The following TAFA1 variants were observed in gnomAD, a reference collection of about 807,000 sequenced individuals.
TAFA1 encodes the protein TAFA chemokine like family member 1.
A neutral mutation model predicts 18.5 loss-of-function variants in TAFA1; 4 were observed. The observed-to-expected ratio is 0.22, with a 90% confidence interval of 0.11 to 0.49. The LOEUF is 0.49. TAFA1 is among the 20% of genes least tolerant of loss of function. TAFA1 has a pLI of 0.98. For missense variants in TAFA1, 147 were observed against 169.0 expected (o/e 0.87, Z 0.72); for synonymous variants, 56 against 55.2 (o/e 1.01, Z -0.06).
intron 2 of TAFA1, among the ~76,000 whole-genome samples, chr3:68,163,183 T>C (rs964448862): frequency 2.0e-5 from 3 of 152,260 alleles, no homozygotes; most frequent in African/African-American, 7.2e-5. Flanking sequence ...TTCTACATAT[T>C]AATCATCCTT....
intron 2 of TAFA1, among the ~76,000 whole-genome samples, chr3:68,131,607 A>T (rs774004354): frequency 6.6e-6 from 1 of 152,214 alleles, no homozygotes; most frequent in Admixed American, 6.5e-5. Flanking sequence ...ACAAAGAATA[A>T]GCCCAGACCT....
chr3:68,082,965 C>T (rs1005354332), intron 2 of TAFA1, among the ~76,000 whole-genome samples: 1 of 152,226 alleles, frequency 6.6e-6, no homozygotes, highest in African/African-American at 2.4e-5. Flanking sequence ...TTCTACCTAC[C>T]CTTTAGGGAT....
chr3:68,153,194 C>A (rs377748066), intron 2 of TAFA1, among the ~76,000 whole-genome samples: 1 of 152,144 alleles, frequency 6.6e-6, no homozygotes, highest in East Asian at 1.9e-4. Flanking sequence ...TTAAATGATA[C>A]AAAATCTAAC....
intron 2 of TAFA1, among the ~76,000 whole-genome samples, chr3:68,054,429 G>A (rs1386570120): frequency 6.6e-6 from 1 of 152,130 alleles, no homozygotes; most frequent in African/African-American, 2.4e-5. Context: ...GCAGCCTGAG[G>A]CCCTTATTAG....
chr3:68,297,057 A>C (rs1559604829), intron 2 of TAFA1, among the ~76,000 whole-genome samples: 2 of 152,170 alleles, frequency 1.3e-5, no homozygotes, highest in African/African-American at 2.4e-5. Context: ...TGAAACCCTG[A>C]GGTAGAAGGT....
At chr3:68,364,561 G>A (rs558085583) in intron 2 of TAFA1, among the ~76,000 whole-genome samples, 31 of 152,244 alleles carry the variant, frequency 2.0e-4, no homozygotes, top group African/African-American at 6.3e-4. Flanking sequence ...CTAGAGGAAC[G>A]TATTTATCTT....
intron 3 of TAFA1, among the ~76,000 whole-genome samples, chr3:68,487,562 A>T: frequency 6.6e-6 from 1 of 152,134 alleles, no homozygotes; most frequent in Non-Finnish European, 1.5e-5. Flanking sequence ...CCTGGCTAAC[A>T]CGGTGAAACC....
At chr3:68,396,035 G>A (rs2070378020) in intron 2 of TAFA1, among the ~76,000 whole-genome samples, 1 of 151,832 alleles carries the variant, frequency 6.6e-6, no homozygotes, top group African/African-American at 2.4e-5. Context: ...TTTGATATTA[G>A]CATTCTTTAT....
chr3:68,295,533 AT>A (rs2068191985), intron 2 of TAFA1, among the ~76,000 whole-genome samples: 1 of 152,126 alleles, frequency 6.6e-6, no homozygotes, highest in African/African-American at 2.4e-5. Flanking sequence ...TCTCAAGCCT[AT>A]TTACCCTCAC....
intron 2 of TAFA1, among the ~76,000 whole-genome samples, chr3:68,024,734 TA>T (rs1704775537): frequency 6.6e-6 from 1 of 151,200 alleles, no homozygotes; most frequent in African/African-American, 2.4e-5. Flanking sequence ...TCCCATCCCT[TA>T]GGGGCAGAAT....
chr3:68,082,242 C>T (rs1014119677), intron 2 of TAFA1, among the ~76,000 whole-genome samples: 1 of 152,192 alleles, frequency 6.6e-6, no homozygotes, highest in Non-Finnish European at 1.5e-5. Flanking sequence ...GAACCCGGTA[C>T]CTCAGATGGA....
At chr3:68,328,171 T>C (rs2068807348) in intron 2 of TAFA1, among the ~76,000 whole-genome samples, 2 of 152,210 alleles carry the variant, frequency 1.3e-5, no homozygotes, top group South Asian at 4.1e-4. Context: ...CCTCATATTT[T>C]ATATTTTCTA....
intron 2 of TAFA1, among the ~76,000 whole-genome samples, chr3:68,408,966 T>G (rs1329078782): frequency 2.0e-5 from 3 of 152,226 alleles, no homozygotes; most frequent in African/African-American, 7.2e-5. Context: ...ATTGTTGTCC[T>G]TCCTCCTTAT....
intron 2 of TAFA1, among the ~76,000 whole-genome samples, chr3:68,408,937 A>AGT (rs1440967023): frequency 1.3e-5 from 2 of 152,238 alleles, no homozygotes; most frequent in Admixed American, 6.5e-5. Context: ...GTACTGGAAT[A>AGT]GTGGTAAAAC....
chr3:68,012,452 A>C (rs763971640), intron 2 of TAFA1, among the ~76,000 whole-genome samples: 2 of 152,176 alleles, frequency 1.3e-5, no homozygotes, highest in African/African-American at 2.4e-5. Flanking sequence ...ACGAGGAAAA[A>C]TGCCCATGTT....
intron 2 of TAFA1, among the ~76,000 whole-genome samples, chr3:68,260,462 T>G (rs1357296100): frequency 4.6e-5 from 7 of 152,164 alleles, no homozygotes; most frequent in Non-Finnish European, 5.9e-5. Flanking sequence ...TAAAATGAGT[T>G]AGGGAGGATT....
At chr3:68,033,322 T>A (rs1348111676) in intron 2 of TAFA1, among the ~76,000 whole-genome samples, 1 of 152,174 alleles carries the variant, frequency 6.6e-6, no homozygotes, top group Admixed American at 6.5e-5. Flanking sequence ...GGATTATACT[T>A]TGACTTTCAA....
intron 2 of TAFA1, among the ~76,000 whole-genome samples, chr3:68,154,448 G>A (rs2065842649): frequency 6.6e-6 from 1 of 152,156 alleles, no homozygotes; most frequent in Non-Finnish European, 1.5e-5. Flanking sequence ...TATTACTGGG[G>A]CTTCCTTTTG....
chr3:68,108,316 T>C (rs183653920), intron 2 of TAFA1, among the ~76,000 whole-genome samples: 2 of 152,246 alleles, frequency 1.3e-5, no homozygotes, highest in African/African-American at 4.8e-5. Context: ...ATTTTTCTAA[T>C]GCATCAATGG....
Sources: allele counts gnomAD v4.1 joint callset (sites outside exome capture counted in the v4.1 genomes callset), GRCh38; gene constraint gnomAD v4.1.1; transcripts MANE v1.5; gene names NCBI Gene and HGNC (gene_info 2026-07-23, HGNC 2026-07-21).